Variants in HOOK3 observed in about 807,000 individuals in gnomAD.
HOOK3 encodes hook microtubule tethering protein 3.
Under a neutral mutation model 116.3 loss-of-function variants are expected in HOOK3, and 24 were observed. The ratio of observed to expected loss-of-function variants is 0.21; its 90% CI spans 0.15 to 0.29. The LOEUF (loss-of-function observed/expected upper bound fraction) is 0.29. Among genes scored for constraint, HOOK3 ranks in the 10% least tolerant of loss-of-function variants. The pLI, the probability that HOOK3 is intolerant of heterozygous loss-of-function variation, is 1.00. For synonymous variants in HOOK3, 275 were observed against 283.0 expected (o/e 0.97, Z 0.28); for missense variants, 632 against 830.2 (o/e 0.76, Z 2.93).
At chr8:42,968,240 A>G in intron 11 of HOOK3, 26 bp downstream of exon 11, 1 of 1,548,678 alleles carries the variant, frequency 6.5e-7, no homozygotes, top group Non-Finnish European at 8.9e-7. Flanking sequence ...CATCTTGATG[A>G]TGGTTTCAGG....
chr8:42,912,294 G>C (rs1807446779), intron 2 of HOOK3, among the ~76,000 whole-genome samples: 1 of 152,032 alleles, frequency 6.6e-6, no homozygotes, highest in African/African-American at 2.4e-5. Context: ...ATATCTGTTT[G>C]GTCTTTTAAG....
At chr8:42,941,339 C>G (rs980263318) in intron 4 of HOOK3, among the ~76,000 whole-genome samples, 1 of 150,328 alleles carries the variant, frequency 6.7e-6, no homozygotes, top group Non-Finnish European at 1.5e-5. Context: ...CACGGTGAAA[C>G]CCCATCTCTA....
Position 43,026,136 on chromosome 8 carries a change from T to C in HOOK3, c.*7638T>C, listed in dbSNP as rs1307969323. On this transcript the variant is annotated 3_prime_UTR_variant, in exon 22 of 22. Transcript: ENST00000307602. ...AACTAGCTTGATGAAGGAAAATAATTACTTTAGCAGTTATGTTGTAAAATT... is the reference window on the plus strand; with the variant it reads ...AACTAGCTTGATGAAGGAAAATAATCACTTTAGCAGTTATGTTGTAAAATT... The C allele has an allele frequency of 4.8e-6, 1 of 207,302 alleles. No homozygotes were observed. Among genetic ancestry groups the C allele is most frequent in the African/African-American group, 2.3e-5 (1 of 43,876 alleles). 12.8% of individuals were successfully genotyped at this position (207,302 alleles called of 1,614,324 possible). A position where few individuals can be genotyped will look rare whatever the true frequency, so the allele number is the denominator to read the frequency against.
At chr8:42,928,768 A>C (rs1807818491) in intron 3 of HOOK3, among the ~76,000 whole-genome samples, 1 of 152,162 alleles carries the variant, frequency 6.6e-6, no homozygotes, top group African/African-American at 2.4e-5. Flanking sequence ...ACGACCGGGC[A>C]CAGTGGCTCA....
intron 11 of HOOK3, among the ~76,000 whole-genome samples, chr8:42,970,042 T>C (rs948862624): frequency 6.6e-6 from 1 of 152,232 alleles, no homozygotes; most frequent in African/African-American, 2.4e-5. Context: ...CTATTTTCTT[T>C]ACAAAGATTT....
chr8:42,953,415 T>A (rs1042747273), intron 6 of HOOK3, among the ~76,000 whole-genome samples: 12 of 151,852 alleles, frequency 7.9e-5, no homozygotes, highest in Non-Finnish European at 4.4e-5. Flanking sequence ...AATACAAATA[T>A]TAGCCGGGCG....
chr8:42,936,463 G>C (rs1461843267), intron 4 of HOOK3, among the ~76,000 whole-genome samples: 1 of 152,100 alleles, frequency 6.6e-6, no homozygotes, highest in Non-Finnish European at 1.5e-5. Context: ...TCCTTGTCTT[G>C]TGCCAGTTTT....
chr8:42,943,995 T>A lies in HOOK3; in HGVS notation c.400+550T>A, dbSNP rs79400451. On this transcript the variant is annotated intron_variant, in intron 5 of 21. Coordinates refer to ENST00000307602, the MANE Select transcript of HOOK3 (RefSeq NM_032410.4). ...CTACCCCAAAATCTGGCAGATACTTTTCCTTAAGAAATCACTCCCTGACTT... is the reference window on the plus strand; with the variant it reads ...CTACCCCAAAATCTGGCAGATACTTATCCTTAAGAAATCACTCCCTGACTT... Among the ~76,000 whole-genome samples the A allele has an allele frequency of 6.1e-3, 932 of 152,344 alleles. 6 individuals are homozygous for A. Among genetic ancestry groups the A allele is most frequent in the Non-Finnish European group, 0.01 (686 of 68,036 alleles).
rs559072233 is a variant in HOOK3, at chr8:43,026,727, G to C, written c.*8229G>C. 6.1e-4 allele frequency: 138 copies of C among 226,008 alleles called. 1 individual carries two copies. In the South Asian group the frequency reaches 0.01, roughly 17 times the overall value. 14.0% of individuals were successfully genotyped at this position (226,008 alleles called of 1,614,324 possible). The stretch of plus-strand genomic sequence containing the variant: ...CGTCACTGCATGTACCTAAAAGACA[G>C]GAAAGCCAAGTTCTGGGAGCTGTCA... On this transcript the variant is annotated 3_prime_UTR_variant, in exon 22 of 22. Transcript: ENST00000307602.
intron 16 of HOOK3, among the ~76,000 whole-genome samples, chr8:43,001,548 C>CT (rs538098287): frequency 1.0e-3 from 148 of 142,028 alleles, no homozygotes; most frequent in South Asian, 4.9e-3. Context: ...TTTCAGGAGA[C>CT]TTTTTTTTTT....
chr8:42,987,697 A>C (rs1809074107), intron 15 of HOOK3, among the ~76,000 whole-genome samples: 1 of 152,228 alleles, frequency 6.6e-6, no homozygotes, highest in Admixed American at 6.5e-5. Flanking sequence ...ACATGGTGCT[A>C]TTCACTCAAA....
intron 1 of HOOK3, 68 bp from the exon 2 acceptor site, chr8:42,906,105 A>AC: frequency 4.2e-6 from 3 of 708,918 alleles, no homozygotes; most frequent in East Asian, 4.0e-5. Flanking sequence ...AAAAAAAAAA[A>AC]GGCCTAAGAA....
rs117717721 is a variant in HOOK3, at chr8:42,958,731, A to G, written c.532-500A>G. ...CATCTAGGTTTTAAGGCCAACACTC[A>G]TTAGGTATTTGTCCTAATGCTATCC... On this transcript the variant is annotated intron_variant, in intron 7 of 21. Coordinates refer to ENST00000307602, the MANE Select transcript of HOOK3 (RefSeq NM_032410.4). Among the ~76,000 whole-genome samples, 559 of 151,430 alleles carry G rather than the reference A, an allele frequency of 3.7e-3. 5 individuals are homozygous for G. Among genetic ancestry groups the G allele is most frequent in the South Asian group, 1.0e-2 (48 of 4,802 alleles).
intron 4 of HOOK3, among the ~76,000 whole-genome samples, chr8:42,931,735 C>T (rs1807877607): frequency 6.6e-6 from 1 of 151,404 alleles, no homozygotes; most frequent in Admixed American, 6.6e-5. Flanking sequence ...CCTTCCCTTC[C>T]CTTCCCTCTT....
Position 43,029,074 on chromosome 8 carries a change from A to G in HOOK3, c.*10576A>G, listed in dbSNP as rs1165574480. On this transcript the variant is annotated 3_prime_UTR_variant, in exon 22 of 22. Transcript: ENST00000307602. ...GAAATAAGAAATAGCATTTTACTCT[A>G]AATACAAGAAATGACTGTACACAAA... 1 of 184,592 alleles carries G rather than the reference A, an allele frequency of 5.4e-6. No homozygotes were observed. Among genetic ancestry groups the G allele is most frequent in the Non-Finnish European group, 1.1e-5 (1 of 87,070 alleles). 11.4% of individuals were successfully genotyped at this position (184,592 alleles called of 1,614,324 possible). A position where few individuals can be genotyped will look rare whatever the true frequency, so the allele number is the denominator to read the frequency against.
rs777674228 is a variant in HOOK3, at chr8:42,964,400, C to A, written c.705C>A (p.Asp235Glu). The A allele has an allele frequency of 6.2e-7, 1 of 1,614,006 alleles. No homozygotes were observed. The highest frequency in any genetic ancestry group is 8.5e-7 in the Non-Finnish European group (1 of 1,179,902). The change falls in exon 9 of 22, where the codon GAC becomes GAA. Residue 235 changes from aspartate to glutamate, a missense_variant. This residue lies in a region of HOOK3 where 483 missense variants were observed against 648.1 expected (regional missense o/e 0.75). Coordinates refer to ENST00000307602, the MANE Select transcript of HOOK3 (RefSeq NM_032410.4). ...TCAATCAATCTGATTCTATAGAAGA[C>A]CCTAACAGTCCAGCAGGAAGAAGGC... ...ERLNQSDSIE[D>E]PNSPAGRRHL...
rs566816861 is a variant in HOOK3, at chr8:43,024,688, T to C, written c.*6190T>C. 4.6e-3 allele frequency: 871 copies of C among 190,950 alleles called. 8 individuals are homozygous for C. The highest frequency in any genetic ancestry group is 0.019 in the Middle Eastern group (10 of 532). 11.8% of individuals were successfully genotyped at this position (190,950 alleles called of 1,614,324 possible). On this transcript the variant is annotated 3_prime_UTR_variant, in exon 22 of 22. Coordinates refer to ENST00000307602, the MANE Select transcript of HOOK3 (RefSeq NM_032410.4). ...TAAAGAATATTTAAATAATAATTGG[T>C]GTATGTTCCTTTTGTTGAAAATGTT... is the stretch of plus-strand genomic sequence containing the variant.
At chr8:43,012,650 A>C (rs981815834) in intron 19 of HOOK3, among the ~76,000 whole-genome samples, 1 of 151,954 alleles carries the variant, frequency 6.6e-6, no homozygotes, top group Non-Finnish European at 1.5e-5. Context: ...CCCAGGCTGG[A>C]GCACAGTGAC....
Position 42,982,115 on chromosome 8 carries a change from C to T in HOOK3, c.1322-512C>T, listed in dbSNP as rs537617651. Among the ~76,000 whole-genome samples the T allele has an allele frequency of 2.5e-3, 372 of 150,732 alleles. 6 individuals are homozygous for T. Among genetic ancestry groups the T allele is most frequent in the Non-Finnish European group, 8.1e-4 (55 of 67,658 alleles). On this transcript the variant is annotated intron_variant, in intron 13 of 21. Coordinates refer to ENST00000307602, the MANE Select transcript of HOOK3 (RefSeq NM_032410.4). ...CTAAAAATACAAAAAATTAGCTGGG[C>T]GTGGTGGCGGGCGCCTGTAATCCCA...
Sources: allele counts gnomAD v4.1 joint callset (sites outside exome capture counted in the v4.1 genomes callset), GRCh38; gene constraint gnomAD v4.1.1; regional missense constraint gnomAD v4.1.1; transcripts MANE v1.5; gene names NCBI Gene and HGNC (gene_info 2026-07-23, HGNC 2026-07-21).